The following NTRK2 variants were observed in gnomAD, a reference collection of about 807,000 sequenced individuals.
NTRK2 encodes the protein neurotrophic receptor tyrosine kinase 2.
Under a neutral mutation model 94.5 loss-of-function variants are expected in NTRK2, and 13 were observed. That is an observed-to-expected ratio of 0.14 (90% CI 0.09 to 0.22). The LOEUF (loss-of-function observed/expected upper bound fraction) is 0.22, where lower values mean the gene tolerates loss of function less well. NTRK2 is among the 10% of genes least tolerant of loss of function. The pLI is 1.00. For missense variants in NTRK2, 639 were observed against 1,071.2 expected (o/e 0.60, Z 5.63); for synonymous variants, 372 against 407.4 (o/e 0.91, Z 1.05).
intron 12 of NTRK2, among the ~76,000 whole-genome samples, chr9:84,840,738 C>T (rs1235448322): frequency 1.3e-5 from 2 of 152,172 alleles, no homozygotes; most frequent in African/African-American, 2.4e-5. Context: ...AACCTTCTCT[C>T]GAAAGGGTTC....
chr9:84,923,216 G>C (rs1046531478), intron 14 of NTRK2, among the ~76,000 whole-genome samples: 2 of 152,112 alleles, frequency 1.3e-5, no homozygotes, highest in Non-Finnish European at 2.9e-5. Flanking sequence ...TTGAGCACTT[G>C]CTCCTTCCTC....
At chr9:84,878,361 C>T (rs1306573737) in intron 14 of NTRK2, among the ~76,000 whole-genome samples, 1 of 152,090 alleles carries the variant, frequency 6.6e-6, no homozygotes, top group Non-Finnish European at 1.5e-5. Context: ...TTTGGCTGGG[C>T]ATGGTGGCTC....
At chr9:84,836,311 T>C (rs906655911) in intron 12 of NTRK2, among the ~76,000 whole-genome samples, 5 of 152,008 alleles carry the variant, frequency 3.3e-5, no homozygotes. Flanking sequence ...TTGCCCTAGT[T>C]GGTTGGGAAA....
chr9:85,024,662 C>T lies in NTRK2; in HGVS notation c.*3225C>T, dbSNP rs377727025. On this transcript the variant is annotated 3_prime_UTR_variant, in exon 19 of 19. Coordinates refer to ENST00000277120, the MANE Select transcript of NTRK2 (RefSeq NM_006180.6). ...AGGAAAGAAAGCATGCTAACACATTCATGAAGCAGTATATGAAGTTAGAAG... is the reference window on the plus strand; with the variant it reads ...AGGAAAGAAAGCATGCTAACACATTTATGAAGCAGTATATGAAGTTAGAAG... 4.3e-6 allele frequency: 1 copy of T among 232,980 alleles called. No individual in the cohort carries two copies. 14.4% of individuals were successfully genotyped at this position (232,980 alleles called of 1,614,324 possible).
chr9:84,855,579 A>G (rs1457919524), intron 12 of NTRK2, among the ~76,000 whole-genome samples: 1 of 145,370 alleles, frequency 6.9e-6, no homozygotes, highest in African/African-American at 2.7e-5. Context: ...AACCTCAAGC[A>G]TATTTTTTTT....
chr9:84,890,181 AC>A (rs59884941), intron 14 of NTRK2, among the ~76,000 whole-genome samples: 3,207 of 151,934 alleles, frequency 0.021, 50 homozygotes, highest in Non-Finnish European at 0.032. Context: ...CCTCCCCTTT[AC>A]TTCCCCCTCC....
chr9:85,011,091 C>T (rs1396478537), intron 17 of NTRK2, among the ~76,000 whole-genome samples: 1 of 152,036 alleles, frequency 6.6e-6, no homozygotes, highest in Admixed American at 6.5e-5. Context: ...AGAGATTGCT[C>T]TAAGGTTTGC....
Position 84,669,961 on chromosome 9 carries a change from C to T in NTRK2, c.-373+73C>T, listed in dbSNP as rs1437418927. The stretch of plus-strand genomic sequence containing the variant: ...CCCCCTGGGGCGGCCTCGGCTACTC[C>T]CCAGGTGGGACGTGCCGCGCCACCT... On this transcript the variant is annotated intron_variant, in intron 1 of 18. Transcript: ENST00000277120. This position sits in a 1 kb window ranked among gnomAD's most constrained non-coding sequence, Gnocchi z 4.1. 1 of 153,142 alleles carries T rather than the reference C, an allele frequency of 6.5e-6. No homozygotes were observed. The highest frequency in any genetic ancestry group is 1.5e-5 in the Non-Finnish European group (1 of 68,602). 9.5% of individuals were successfully genotyped at this position (153,142 alleles called of 1,614,324 possible).
intron 12 of NTRK2, among the ~76,000 whole-genome samples, chr9:84,851,687 A>G (rs1587675099): frequency 6.6e-6 from 1 of 152,212 alleles, no homozygotes; most frequent in South Asian, 2.1e-4. Context: ...ACAGGTCACC[A>G]TGGTTCCCAG....
chr9:84,777,063 C>G, intron 12 of NTRK2, among the ~76,000 whole-genome samples: 1 of 152,096 alleles, frequency 6.6e-6, no homozygotes, highest in East Asian at 1.9e-4. Flanking sequence ...TTTCCTAATA[C>G]CTAGATTGTA....
chr9:84,936,378 G>GT (rs2078214269), intron 15 of NTRK2, among the ~76,000 whole-genome samples: 1 of 152,358 alleles, frequency 6.6e-6, no homozygotes, highest in South Asian at 2.1e-4. Flanking sequence ...ACAACTAACA[G>GT]TGAAGAGTCA....
intron 12 of NTRK2, chr9:84,811,994 C>T (rs199851476): frequency 5.9e-6 from 6 of 1,019,406 alleles, no homozygotes; most frequent in Non-Finnish European, 5.9e-6. Flanking sequence ...ACACAATCAG[C>T]TCTGACAGTT....
At chr9:84,698,453 T>A (rs1329911152) in intron 2 of NTRK2, among the ~76,000 whole-genome samples, 1 of 152,174 alleles carries the variant, frequency 6.6e-6, no homozygotes, top group East Asian at 1.9e-4. Context: ...ACTCGGGTTG[T>A]TCCAGCTTTT....
chr9:84,688,820 A>G (rs2059873750), intron 2 of NTRK2, among the ~76,000 whole-genome samples: 1 of 152,214 alleles, frequency 6.6e-6, no homozygotes, highest in Non-Finnish European at 1.5e-5. Flanking sequence ...TGAATATGTC[A>G]GTAGACATGC....
intron 12 of NTRK2, among the ~76,000 whole-genome samples, chr9:84,819,511 T>G (rs142832131): frequency 6.6e-5 from 10 of 152,232 alleles, no homozygotes; most frequent in Admixed American, 5.9e-4. Flanking sequence ...CTTGGGGAGG[T>G]TGATTGATTA....
intron 12 of NTRK2, among the ~76,000 whole-genome samples, chr9:84,809,901 A>AG (rs1454000334): frequency 6.7e-6 from 1 of 150,128 alleles, no homozygotes; most frequent in Non-Finnish European, 1.5e-5. Context: ...AAAAAAAAAA[A>AG]AGAAAGAAGA....
intron 12 of NTRK2, among the ~76,000 whole-genome samples, chr9:84,801,026 G>A (rs1329167636): frequency 6.6e-6 from 1 of 152,230 alleles, no homozygotes; most frequent in Non-Finnish European, 1.5e-5. Flanking sequence ...TGCAATTGAT[G>A]TGATCATTTG....
intron 17 of NTRK2, among the ~76,000 whole-genome samples, chr9:85,016,979 CTT>C (rs1343186451): frequency 6.6e-6 from 1 of 152,180 alleles, no homozygotes; most frequent in Non-Finnish European, 1.5e-5. Context: ...TTCTCTCTCT[CTT>C]CTTTAAAGGA....
chr9:84,885,019 A>C (rs1304237418), intron 14 of NTRK2, among the ~76,000 whole-genome samples: 2 of 152,240 alleles, frequency 1.3e-5, no homozygotes, highest in Non-Finnish European at 2.9e-5. Context: ...GGAGGCAAGG[A>C]AACGGATGGA....
Sources: allele counts gnomAD v4.1 joint callset (sites outside exome capture counted in the v4.1 genomes callset), GRCh38; gene constraint gnomAD v4.1.1; non-coding constraint Gnocchi (gnomAD v3.1); transcripts MANE v1.5; gene names NCBI Gene and HGNC (gene_info 2026-07-23, HGNC 2026-07-21).